Variants in SYNE3 observed in about 807,000 individuals in gnomAD.
SYNE3 encodes the protein spectrin repeat containing nuclear envelope family member 3.
Under a neutral mutation model 111.2 loss-of-function variants are expected in SYNE3, and 100 were observed. That is an observed-to-expected ratio of 0.90 (90% CI 0.77 to 1.06). SYNE3 has a LOEUF of 1.06. Among genes scored for constraint, SYNE3 ranks in the 50% least tolerant of loss-of-function variants. The pLI is 0.00. For missense variants in SYNE3, 1,160 were observed against 1,240.3 expected, an observed-to-expected ratio of 0.94 and a Z score of 0.97; for synonymous variants, 547 against 533.9, an observed-to-expected ratio of 1.02 and a Z score of -0.34.
At chr14:95,462,143 G>A (rs1296631890) in intron 4 of SYNE3, among the ~76,000 whole-genome samples, 4 of 152,110 alleles carry the variant, frequency 2.6e-5, no homozygotes, top group Non-Finnish European at 4.4e-5. Context: ...ATAGCTCCTC[G>A]CCCCATAGAA....
chr14:95,422,389 T>C (rs2139345465), intron 17 of SYNE3, among the ~76,000 whole-genome samples: 1 of 152,208 alleles, frequency 6.6e-6, no homozygotes, highest in Middle Eastern at 3.4e-3. Flanking sequence ...AGAAACTGAG[T>C]CTGGGAGAGT....
In SYNE3 at chr14:95,466,231, C is replaced by T. The variant is rs1039805777; in HGVS notation, c.327G>A (p.Glu109=). The T allele has an allele frequency of 1.3e-6, 2 of 1,568,162 alleles. No homozygotes were observed. The highest frequency in any genetic ancestry group is 1.7e-6 in the Non-Finnish European group (2 of 1,149,222). ...ACTCGCTCCAGTGCAGCCACACCCA[C>T]TCGATGCGGCTGTGGGCACAGAGAC... ...TYMTHCHSRI[E]WVWLHWSEYL... is the part of the protein sequence containing the mutation. The change falls in exon 4 of 18, where the codon GAG becomes GAA. Residue 109 remains glutamate (E), a synonymous_variant. Transcript: ENST00000682763.
intron 1 of SYNE3, among the ~76,000 whole-genome samples, chr14:95,497,125 C>A (rs1016888314): frequency 2.6e-5 from 4 of 152,240 alleles, no homozygotes; most frequent in African/African-American, 9.6e-5. Flanking sequence ...GGGCTCACTC[C>A]TGGTGAGTCA....
chr14:95,465,182 G>A (rs368335825), intron 4 of SYNE3, among the ~76,000 whole-genome samples: 1 of 152,130 alleles, frequency 6.6e-6, no homozygotes, highest in East Asian at 1.9e-4. Context: ...GGCAGGAGGA[G>A]GAAGGGAGGG....
chr14:95,429,917 A>G, intron 17 of SYNE3: 2 of 977,972 alleles, frequency 2.0e-6, no homozygotes, highest in Non-Finnish European at 2.4e-6. Context: ...TGTACAGTCT[A>G]CAGGACAGGT....
chr14:95,450,128 A>G, intron 7 of SYNE3, 23 bp from the exon 8 acceptor site: 1 of 1,563,186 alleles, frequency 6.4e-7, no homozygotes, highest in Non-Finnish European at 8.7e-7. Context: ...TGGAGGGAGA[A>G]AATGAGGGAG....
In SYNE3 at chr14:95,433,203, C is replaced by T. The variant is rs150995664; in HGVS notation, c.2688+57G>A. On this transcript the variant is annotated intron_variant, in intron 16 of 17. Transcript: ENST00000682763. ...TTAGCACTGTATCCCCAGGCAAATA[C>T]GGCCCAGCTATAGTCCTGTCCCTGG... 1,000 of 1,578,702 alleles carry T rather than the reference C, an allele frequency of 6.3e-4. 2 individuals carry two copies. Among genetic ancestry groups the T allele is most frequent in the African/African-American group, 5.8e-3 (428 of 74,262 alleles).
chr14:95,491,244 G>A (rs1294678186), intron 1 of SYNE3, among the ~76,000 whole-genome samples: 1 of 152,066 alleles, frequency 6.6e-6, no homozygotes, highest in Non-Finnish European at 1.5e-5. Flanking sequence ...CTTGTCCTTC[G>A]GAATTCTCTT....
At chr14:95,501,923 C>A (rs139751475) in intron 1 of SYNE3, among the ~76,000 whole-genome samples, 1 of 152,086 alleles carries the variant, frequency 6.6e-6, no homozygotes, top group Non-Finnish European at 1.5e-5. Context: ...CAGACTCTTG[C>A]GGGGGCACAC....
rs764589082 is a variant in SYNE3, at chr14:95,417,911, T to C, written c.2843A>G (p.Glu948Gly). 2 of 1,614,134 alleles carry C rather than the reference T, an allele frequency of 1.2e-6. No homozygotes were observed. Among genetic ancestry groups the C allele is most frequent in the South Asian group, 2.2e-5 (2 of 91,078 alleles). Residue 948 changes from glutamate to glycine, a missense_variant, in exon 18 of 18, where the codon GAA (glutamate) becomes GGA (glycine). Glu to Gly is a moderately conservative substitution (Grantham distance 98). Transcript: ENST00000682763. The part of the protein sequence containing the change: ...LLLLFLLPIR[E>G]EDRSCTLANN... ...GGCCAGGGTGCAGCTGCGGTCCTCT[T>C]CCCTGATTGGGAGCAGGAACAGCAG...
rs538250279 is a variant in SYNE3 at position 95,455,300 on chromosome 14, C to G, written c.1137+77G>C. On this transcript the variant is annotated intron_variant, in intron 6 of 17. Transcript: ENST00000682763. The stretch of plus-strand genomic sequence containing the variant: ...CTCAGGGCTCAGCCCGATTCTCCAT[C>G]ACAGAGGAGGTCTGAGTGCCAGGAC... 6 of 1,211,308 alleles carry G rather than the reference C, an allele frequency of 5.0e-6. No individual in the cohort carries two copies. The South Asian group carries it at 1.0e-4, about 21-fold the overall frequency. 75.0% of individuals were successfully genotyped at this position (1,211,308 alleles called of 1,614,324 possible). A position where few individuals can be genotyped will look rare whatever the true frequency, so the allele number is the denominator to read the frequency against.
chr14:95,479,411 C>T (rs1331338590), intron 1 of SYNE3, among the ~76,000 whole-genome samples: 1 of 152,072 alleles, frequency 6.6e-6, no homozygotes. Context: ...CTGGAGCACA[C>T]ACCATGCTTG....
At chr14:95,421,494 A>G (rs1885124995) in intron 17 of SYNE3, among the ~76,000 whole-genome samples, 1 of 152,138 alleles carries the variant, frequency 6.6e-6, no homozygotes, top group South Asian at 2.1e-4. Flanking sequence ...TAGATGTGTG[A>G]TCTAGGGCAT....
intron 17 of SYNE3, among the ~76,000 whole-genome samples, chr14:95,431,483 C>T (rs1344805018): frequency 6.6e-6 from 1 of 152,212 alleles, no homozygotes; most frequent in Non-Finnish European, 1.5e-5. Flanking sequence ...CATAGCATCT[C>T]GAGTAATAAT....
intron 1 of SYNE3, among the ~76,000 whole-genome samples, chr14:95,503,248 C>T (rs1268847476): frequency 6.6e-6 from 1 of 152,258 alleles, no homozygotes; most frequent in Non-Finnish European, 1.5e-5. Context: ...CTGGGCCTCA[C>T]CTACCATGCA....
At chr14:95,501,853 A>T (rs1566689504) in intron 1 of SYNE3, among the ~76,000 whole-genome samples, 1 of 152,196 alleles carries the variant, frequency 6.6e-6, no homozygotes, top group Non-Finnish European at 1.5e-5. Flanking sequence ...CATTTACAAA[A>T]CACTCTGGCC....
intron 1 of SYNE3, among the ~76,000 whole-genome samples, chr14:95,501,815 T>C (rs1464245339): frequency 6.6e-6 from 1 of 151,766 alleles, no homozygotes. Context: ...AGGTGGAGAG[T>C]CTCAAGCCTC....
chr14:95,435,963 C>T (rs1185935572), intron 15 of SYNE3, among the ~76,000 whole-genome samples: 4 of 152,000 alleles, frequency 2.6e-5, no homozygotes, highest in Admixed American at 2.6e-4. Context: ...ATGGTAAGTG[C>T]CTAAATTAAG....
At position 95,407,776 on chromosome 14, in the gene SYNE3, GACAC is replaced by G. The variant is rs773545530; in HGVS notation, c.*10046_*10049del. The G allele has an allele frequency of 2.7e-4, 40 of 148,126 alleles. No individual in the cohort carries two copies. The highest frequency in any genetic ancestry group is 3.4e-3 in the Middle Eastern group (1 of 292). The allele number at this position is 148,126 out of a possible 1,614,324, so 9.2% of individuals were successfully genotyped here. ...ACGCATACACAAACACACACACACA[GACAC>G]ACACACACACACACACACACCCCAT... On this transcript the variant is annotated 3_prime_UTR_variant, in exon 18 of 18. Transcript: ENST00000682763.
Sources: gnomAD v4.1 joint callset for allele counts (sites outside exome capture counted in the v4.1 genomes callset) on GRCh38, gnomAD v4.1.1 for gene constraint, MANE v1.5 for transcripts, NCBI Gene and HGNC (gene_info 2026-07-23, HGNC 2026-07-21) for gene names.